The following ENOSF1 variants were observed in gnomAD, a reference collection of about 807,000 sequenced individuals.
The protein encoded by ENOSF1 is enolase superfamily member 1, also known as mitochondrial enolase superfamily member 1.
A neutral mutation model predicts 68.2 loss-of-function variants in ENOSF1; 73 were observed. The ratio of observed to expected loss-of-function variants is 1.07; its 90% CI spans 0.89 to 1.30. The LOEUF is 1.30. Ranked by LOEUF, ENOSF1 falls within the 50% of genes most tolerant of loss-of-function variation. The pLI, the probability that ENOSF1 is intolerant of heterozygous loss-of-function variation, is 0.00. For synonymous variants in ENOSF1, 223 were observed against 210.4 expected, an observed-to-expected ratio of 1.06 and a Z score of -0.52; for missense variants, 589 against 554.5, an observed-to-expected ratio of 1.06 and a Z score of -0.62.
In ENOSF1 at chr18:673,147, C is replaced by T. The variant is rs748318354; in HGVS notation, c.*1158G>A. On this transcript the variant is annotated 3_prime_UTR_variant, in exon 16 of 16. Transcript: ENST00000647584. ...AGTTATTAATTTTTAAGGATGTTGCCACTGGCAAATGTAACTGTGCCAGTT... is the reference window on the plus strand; with the variant it reads ...AGTTATTAATTTTTAAGGATGTTGCTACTGGCAAATGTAACTGTGCCAGTT... 5 of 834,246 alleles carry T rather than the reference C, an allele frequency of 6.0e-6. No homozygotes were observed. The highest frequency in any genetic ancestry group is 8.7e-6 in the Non-Finnish European group (5 of 575,016). The allele number at this position is 834,246 out of a possible 1,614,324, so 51.7% of individuals were successfully genotyped here. A position where few individuals can be genotyped will look rare whatever the true frequency, so the allele number is the denominator to read the frequency against.
At chr18:685,297 A>G (rs973975895) in intron 10 of ENOSF1, among the ~76,000 whole-genome samples, 1 of 152,036 alleles carries the variant, frequency 6.6e-6, no homozygotes, top group Non-Finnish European at 1.5e-5. Context: ...GAGCCACAGC[A>G]TCTGGCCAGC....
chr18:666,942 TGGTGATGGTGATGGAGATGGA>T (rs1567989546), downstream of ENOSF1, among the ~76,000 whole-genome samples: 34 of 33,906 alleles, frequency 1.0e-3, 9 homozygotes, highest in African/African-American at 1.2e-3. Flanking sequence ...GTGATGGAGA[TGGTGATGGTGATGGAGATGGA>T]GATGGTGATG....
chr18:700,648 G>A (rs1194488135), intron 2 of ENOSF1, among the ~76,000 whole-genome samples: 1 of 152,144 alleles, frequency 6.6e-6, no homozygotes, highest in Non-Finnish European at 1.5e-5. Context: ...ACTTTGGGAG[G>A]CTGAGGCGGG....
chr18:666,989 ATGGT>A (rs1384257427), downstream of ENOSF1, among the ~76,000 whole-genome samples: 2 of 7,744 alleles, frequency 2.6e-4, 1 homozygote, highest in Non-Finnish European at 6.7e-4. Flanking sequence ...GGAGATGGTG[ATGGT>A]GATGGAGATG....
At position 671,562 on chromosome 18, in the gene ENOSF1, A is replaced by G. The variant is rs1178225459; in HGVS notation, c.*2743T>C. On this transcript the variant is annotated 3_prime_UTR_variant, in exon 16 of 16. Transcript: ENST00000647584. ...GTCCAAGATAAAGATGACTGCTCCA[A>G]ATGTGGGGCTTCAGTTTAGGGAGAA... 2 of 773,752 alleles carry G rather than the reference A, an allele frequency of 2.6e-6. No individual in the cohort carries two copies. The highest frequency in any genetic ancestry group is 4.7e-5 in the Admixed American group (2 of 42,718). The allele number at this position is 773,752 out of a possible 1,614,324, so 47.9% of individuals were successfully genotyped here.
intron 5 of ENOSF1, 139 bp downstream of exon 5, chr18:693,743 T>G: frequency 6.9e-7 from 1 of 1,457,742 alleles, no homozygotes; most frequent in Admixed American, 2.8e-5. Context: ...AATGTCATAT[T>G]TTATTGGCTT....
At chr18:701,507 C>A (rs1230352244) in intron 2 of ENOSF1, among the ~76,000 whole-genome samples, 1 of 151,972 alleles carries the variant, frequency 6.6e-6, no homozygotes, top group African/African-American at 2.4e-5. Flanking sequence ...GTAATCCCAG[C>A]ACTTTGGGAG....
chr18:702,051 C>G (rs1015278730), intron 2 of ENOSF1, among the ~76,000 whole-genome samples: 1 of 151,646 alleles, frequency 6.6e-6, no homozygotes, highest in Non-Finnish European at 1.5e-5. Flanking sequence ...ATTGCTTGAG[C>G]TCAGGAGTTC....
chr18:663,508 C>T, the ENOSF1 span, among the ~76,000 whole-genome samples: 5 of 94,214 alleles, frequency 5.3e-5, 1 homozygote, highest in Non-Finnish European at 9.8e-5. Flanking sequence ...TGTGCAGAAG[C>T]TCTTTAGTTT....
At chr18:695,904 T>C (rs543245688) in intron 3 of ENOSF1, among the ~76,000 whole-genome samples, 114 of 152,342 alleles carry the variant, frequency 7.5e-4, no homozygotes, top group Middle Eastern at 3.4e-3. Flanking sequence ...CTGTATAAAG[T>C]AAAAGATGAA....
intron 1 of ENOSF1, among the ~76,000 whole-genome samples, chr18:710,656 G>A (rs1598845746): frequency 6.6e-6 from 1 of 152,196 alleles, no homozygotes; most frequent in African/African-American, 2.4e-5. Flanking sequence ...AGAGGTGTGA[G>A]CCCTCATGCC....
intron 3 of ENOSF1, among the ~76,000 whole-genome samples, chr18:696,204 CT>C (rs368856668): frequency 2.2e-3 from 264 of 118,678 alleles, no homozygotes; most frequent in African/African-American, 5.6e-3. Flanking sequence ...ACATCTCTCT[CT>C]TTTTTTTTTT....
At chr18:703,232 G>A (rs940163068) in intron 2 of ENOSF1, among the ~76,000 whole-genome samples, 1 of 152,114 alleles carries the variant, frequency 6.6e-6, no homozygotes, top group Non-Finnish European at 1.5e-5. Context: ...GGGAATGGAG[G>A]AGGAGAGGGG....
At chr18:663,154 T>A in the ENOSF1 span, among the ~76,000 whole-genome samples, 4 of 95,390 alleles carry the variant, frequency 4.2e-5, 1 homozygote, top group Admixed American at 8.8e-5. Flanking sequence ...TGTTCCTATT[T>A]CTCCACATCC....
At chr18:667,197 T>C (rs368759771), downstream of ENOSF1, among the ~76,000 whole-genome samples, 1 of 59,184 alleles carries the variant, frequency 1.7e-5, no homozygotes. Context: ...ATGGAGATGG[T>C]GATGGTGATG....
rs969299484 is a variant in ENOSF1, at chr18:671,281, A to G, written c.*3024T>C. 8 of 844,376 alleles carry G rather than the reference A, an allele frequency of 9.5e-6. No homozygotes were observed. The highest frequency in any genetic ancestry group is 1.6e-5 in the Non-Finnish European group (8 of 499,946). 52.3% of individuals were successfully genotyped at this position (844,376 alleles called of 1,614,324 possible). A position where few individuals can be genotyped will look rare whatever the true frequency, so the allele number is the denominator to read the frequency against. On this transcript the variant is annotated 3_prime_UTR_variant, in exon 16 of 16. Transcript: ENST00000647584. ...AAAGCTACACTAAATTATTTTTTTA[A>G]AAAAAGCCTTGCGGTGTCTGCATAT... is the stretch of plus-strand genomic sequence containing the variant.
chr18:672,653 A>G lies in ENOSF1; in HGVS notation c.*1652T>C. ...CTCCTGATGCTGTGTAATGTCACAA[A>G]ATACCCCTCACTCTCGATCTGTGCA... On this transcript the variant is annotated 3_prime_UTR_variant, in exon 16 of 16. Coordinates refer to ENST00000647584, the MANE Select transcript of ENOSF1 (RefSeq NM_017512.7). 2 of 425,126 alleles carry G rather than the reference A, an allele frequency of 4.7e-6. No individual in the cohort carries two copies. The highest frequency in any genetic ancestry group is 8.2e-6 in the Non-Finnish European group (2 of 243,320). The allele number at this position is 425,126 out of a possible 1,614,324, so 26.3% of individuals were successfully genotyped here.
At chr18:691,336 T>C in intron 5 of ENOSF1, 60 bp from the exon 6 acceptor site, 1 of 1,397,278 alleles carries the variant, frequency 7.2e-7, no homozygotes, top group Non-Finnish European at 9.9e-7. Flanking sequence ...TTATATTTTG[T>C]TTTTTAAAAT....
chr18:683,514 G>A, intron 10 of ENOSF1, 134 bp from the exon 11 acceptor site: 1 of 989,532 alleles, frequency 1.0e-6, no homozygotes, highest in African/African-American at 1.6e-5. Context: ...CTCTGCTGAG[G>A]CCCAGCACAC....
Sources: allele counts gnomAD v4.1 joint callset (sites outside exome capture counted in the v4.1 genomes callset), GRCh38; gene constraint gnomAD v4.1.1; transcripts MANE v1.5; gene names NCBI Gene and HGNC (gene_info 2026-07-23, HGNC 2026-07-21).